The following AFG2A variants were observed in gnomAD, a reference collection of about 807,000 sequenced individuals.
AFG2A encodes ATPase family gene 2 protein homolog A.
the AFG2A span, among the ~76,000 whole-genome samples, chr4:123,270,783 G>A: frequency 6.6e-6 from 1 of 152,140 alleles, no homozygotes; most frequent in Non-Finnish European, 1.5e-5. Flanking sequence ...TTTGATCAAA[G>A]TACAATTAGA....
At chr4:123,173,240 A>G in the AFG2A span, among the ~76,000 whole-genome samples, 2 of 151,862 alleles carry the variant, frequency 1.3e-5, no homozygotes, top group African/African-American at 2.4e-5. Context: ...GTACAACCCT[A>G]ATTCCAAAAG....
At chr4:123,141,360 G>C in the AFG2A span, among the ~76,000 whole-genome samples, 2 of 152,168 alleles carry the variant, frequency 1.3e-5, no homozygotes. Flanking sequence ...CTACTCAGGA[G>C]ACTGAGGCAG....
chr4:123,017,177 G>C, the AFG2A span, among the ~76,000 whole-genome samples: 10 of 11,324 alleles, frequency 8.8e-4, no homozygotes, highest in Admixed American at 7.7e-3. Context: ...AGAGGGAGAG[G>C]GGGGAGAGGG....
At chr4:123,060,522 G>A in the AFG2A span, among the ~76,000 whole-genome samples, 1,390 of 152,312 alleles carry the variant, frequency 9.1e-3, 9 homozygotes, top group Non-Finnish European at 0.014. Flanking sequence ...GGCTTGCACC[G>A]TCTGAAGCCA....
chr4:123,093,239 T>A, the AFG2A span, among the ~76,000 whole-genome samples: 71 of 152,190 alleles, frequency 4.7e-4, no homozygotes, highest in Non-Finnish European at 8.7e-4. Context: ...GGCTAACTCA[T>A]AAGCAGTGCA....
At chr4:123,050,551 A>G in the AFG2A span, among the ~76,000 whole-genome samples, 2,171 of 152,260 alleles carry the variant, frequency 0.014, 55 homozygotes, top group African/African-American at 0.05. Flanking sequence ...AAATCATTAT[A>G]TAATGACTTT....
At chr4:123,095,041 AAAT>A in the AFG2A span, among the ~76,000 whole-genome samples, 1 of 30,018 alleles carries the variant, frequency 3.3e-5, no homozygotes, top group African/African-American at 7.2e-5. Flanking sequence ...AAAAAAAAAA[AAAT>A]ATATATATAT....
the AFG2A span, among the ~76,000 whole-genome samples, chr4:123,287,749 A>G: frequency 6.6e-6 from 1 of 152,186 alleles, no homozygotes; most frequent in Non-Finnish European, 1.5e-5. Context: ...AATAAAATAT[A>G]GTATGTGGCA....
the AFG2A span, among the ~76,000 whole-genome samples, chr4:123,054,959 G>T: frequency 6.6e-6 from 1 of 151,626 alleles, no homozygotes; most frequent in African/African-American, 2.4e-5. Flanking sequence ...CCTAAACATC[G>T]TTTATACTGT....
the AFG2A span, among the ~76,000 whole-genome samples, chr4:123,010,640 G>A: frequency 8.7e-4 from 132 of 152,132 alleles, 8 homozygotes; most frequent in Non-Finnish European, 3.5e-4. Context: ...CACTTGTAAC[G>A]CATGGGCCCC....
chr4:122,962,259 C>A, the AFG2A span, among the ~76,000 whole-genome samples: 1 of 152,150 alleles, frequency 6.6e-6, no homozygotes, highest in African/African-American at 2.4e-5. Context: ...GTTGGGGACC[C>A]CTGCTCTAAT....
chr4:123,265,867 C>G, the AFG2A span, among the ~76,000 whole-genome samples: 2 of 152,020 alleles, frequency 1.3e-5, no homozygotes, highest in Non-Finnish European at 2.9e-5. Context: ...CACCTTATTT[C>G]TCTTCTTCCA....
chr4:123,192,761 A>G, the AFG2A span, among the ~76,000 whole-genome samples: 3 of 152,120 alleles, frequency 2.0e-5, no homozygotes, highest in Non-Finnish European at 4.4e-5. Flanking sequence ...CCTATTCCTC[A>G]ATAGCTTCTT....
chr4:122,992,978 G>GTGTGTGTGTGTGTGTGTGTA, the AFG2A span, among the ~76,000 whole-genome samples: 5,168 of 134,754 alleles, frequency 0.038, 96 homozygotes, highest in South Asian at 0.11. Context: ...GTGTGTGTAT[G>GTGTGTGTGTGTGTGTGTGTA]TGTGTGTGTG....
At chr4:123,104,166 C>T in the AFG2A span, among the ~76,000 whole-genome samples, 1 of 152,094 alleles carries the variant, frequency 6.6e-6, no homozygotes, top group African/African-American at 2.4e-5. Context: ...TTTCCAACAG[C>T]ATATTCTCAC....
chr4:123,175,204 G>T, the AFG2A span, among the ~76,000 whole-genome samples: 1 of 152,004 alleles, frequency 6.6e-6, no homozygotes, highest in African/African-American at 2.4e-5. Flanking sequence ...TGATTAAAGA[G>T]TAAAAAAATT....
chr4:123,000,034 G>T, the AFG2A span, among the ~76,000 whole-genome samples: 1 of 151,588 alleles, frequency 6.6e-6, no homozygotes, highest in African/African-American at 2.4e-5. Context: ...CTTGTAAGTT[G>T]GATTCCTAGG....
At chr4:123,230,418 T>C in the AFG2A span, among the ~76,000 whole-genome samples, 2 of 152,004 alleles carry the variant, frequency 1.3e-5, no homozygotes, top group Non-Finnish European at 2.9e-5. Flanking sequence ...TTTCATGAGA[T>C]TCCTGCAATT....
the AFG2A span, among the ~76,000 whole-genome samples, chr4:123,206,731 A>G: frequency 6.6e-6 from 1 of 152,084 alleles, no homozygotes; most frequent in Admixed American, 6.5e-5. Context: ...CTCTTTCTTC[A>G]GATGCTATTA....
Sources: allele counts gnomAD v4.1 joint callset (sites outside exome capture counted in the v4.1 genomes callset), GRCh38; gene constraint gnomAD v4.1.1; transcripts MANE v1.5; gene names NCBI Gene and HGNC (gene_info 2026-07-23, HGNC 2026-07-21).